Variants in ATP2B2 observed in about 807,000 individuals in gnomAD.
ATP2B2 encodes plasma membrane calcium-transporting ATPase 2.
In ATP2B2, 15 loss-of-function variants were observed where a neutral mutation model predicts 120.0. That is an observed-to-expected ratio of 0.12 (90% CI 0.08 to 0.19). The LOEUF is 0.19. Among genes scored for constraint, ATP2B2 ranks in the 10% least tolerant of loss-of-function variants. The pLI, the probability that ATP2B2 is intolerant of heterozygous loss-of-function variation, is 1.00. For synonymous variants in ATP2B2, 694 were observed against 700.3 expected, an observed-to-expected ratio of 0.99 and a Z score of 0.14; for missense variants, 1,045 against 1,719.8, an observed-to-expected ratio of 0.61 and a Z score of 6.94.
chr3:10,402,093 T>C lies in ATP2B2; in HGVS notation c.653A>G (p.Tyr218Cys). The change falls in exon 4 of 23, where the codon TAT (tyrosine) becomes TGT (cysteine). Residue 218 changes from tyrosine to cysteine, a missense_variant and splice_region_variant. Tyr to Cys is a radical substitution (Grantham distance 194). Coordinates refer to ENST00000360273, the MANE Select transcript of ATP2B2 (RefSeq NM_001001331.4). The surrounding 1 kb of genome is among the most constrained non-coding windows in gnomAD (Gnocchi z 4.9). ...GGCTCTGTGGCTGGGACACTTACCA[T>C]ATTTGACCTGGGCTATGTCCCCAAC... ...IVVGDIAQVK[Y>C]GDLLPADGLF... 6.2e-7 allele frequency: 1 copy of C among 1,613,780 alleles called. No homozygotes were observed. Among genetic ancestry groups the C allele is most frequent in the Non-Finnish European group, 8.5e-7 (1 of 1,180,026 alleles).
At chr3:10,387,349 C>A (rs932512686) in intron 6 of ATP2B2, among the ~76,000 whole-genome samples, 1 of 152,206 alleles carries the variant, frequency 6.6e-6, no homozygotes, top group Non-Finnish European at 1.5e-5. Context: ...AAGCTCTGTG[C>A]CTGATTAGCC....
intron 8 of ATP2B2, 62 bp downstream of exon 8, chr3:10,385,206 T>C (rs2061639396): frequency 6.6e-7 from 1 of 1,523,742 alleles, no homozygotes; most frequent in East Asian, 2.3e-5. Context: ...AAGCCCAAAG[T>C]TGGGGTGGGG....
intron 1 of ATP2B2, among the ~76,000 whole-genome samples, chr3:10,474,747 G>A (rs2065142059): frequency 6.6e-6 from 1 of 152,244 alleles, no homozygotes; most frequent in Non-Finnish European, 1.5e-5. Context: ...CAGTTCCCCT[G>A]CCATAAATGC....
At position 10,397,805 on chromosome 3, in the gene ATP2B2, C is replaced by T. The variant is rs936929654; in HGVS notation, c.781+3148G>A. Reference sequence around the variant, plus strand: ...AACATCCCCACCTGCAGCCTGTCTACATCCTGCTCATAGACAGTCGGTGAC... The same window carrying T: ...AACATCCCCACCTGCAGCCTGTCTATATCCTGCTCATAGACAGTCGGTGAC... On this transcript the variant is annotated intron_variant, in intron 5 of 22. Coordinates refer to ENST00000360273, the MANE Select transcript of ATP2B2 (RefSeq NM_001001331.4). 9.9e-5 allele frequency among the ~76,000 whole-genome samples: 15 copies of T among 152,214 alleles called. 1 individual carries two copies. Among genetic ancestry groups the T allele is most frequent in the Non-Finnish European group, 1.8e-4 (12 of 68,034 alleles).
intron 1 of ATP2B2, among the ~76,000 whole-genome samples, chr3:10,451,664 G>C (rs932856051): frequency 1.3e-5 from 2 of 152,136 alleles, no homozygotes; most frequent in Non-Finnish European, 2.9e-5. Flanking sequence ...ACATAAAATG[G>C]ATGTGATACC....
At chr3:10,521,591 A>G (rs746128538) in intron 3 of ATP2B2, among the ~76,000 whole-genome samples, 1 of 152,244 alleles carries the variant, frequency 6.6e-6, no homozygotes, top group Non-Finnish European at 1.5e-5. Flanking sequence ...AGAAGCAGCG[A>G]GAGTGTGGAA....
chr3:10,557,242 C>T (rs1247165680), intron 2 of ATP2B2, among the ~76,000 whole-genome samples: 1 of 152,224 alleles, frequency 6.6e-6, no homozygotes, highest in Non-Finnish European at 1.5e-5. Flanking sequence ...AAATGTCACC[C>T]ACTGAGGAGA....
chr3:10,386,615 G>GT, intron 6 of ATP2B2, 103 bp from the exon 7 acceptor site: 11 of 1,277,454 alleles, frequency 8.6e-6, no homozygotes, highest in African/African-American at 1.5e-5. Flanking sequence ...ATACACACAT[G>GT]GCCATACACC....
chr3:10,533,883 A>G (rs919656059), intron 3 of ATP2B2, among the ~76,000 whole-genome samples: 1 of 152,248 alleles, frequency 6.6e-6, no homozygotes, highest in South Asian at 2.1e-4. Flanking sequence ...CCAATGTTGC[A>G]TAAATAATAC....
At chr3:10,560,164 G>A (rs1276656745) in intron 2 of ATP2B2, among the ~76,000 whole-genome samples, 8 of 152,202 alleles carry the variant, frequency 5.3e-5, no homozygotes, top group Non-Finnish European at 8.8e-5. Context: ...CAGTCGCTGG[G>A]CTTCTGAACA....
At chr3:10,417,333 C>A (rs905160981) in intron 2 of ATP2B2, among the ~76,000 whole-genome samples, 1 of 151,284 alleles carries the variant, frequency 6.6e-6, no homozygotes, top group Non-Finnish European at 1.5e-5. Context: ...CAGAGGGGCT[C>A]CTCATATCCC....
At position 10,360,025 on chromosome 3, in the gene ATP2B2, G is replaced by C. The variant is rs750508666; in HGVS notation, c.1758C>G (p.Pro586=). 4.3e-6 allele frequency: 7 copies of C among 1,614,008 alleles called. No homozygotes were observed. The highest frequency in any genetic ancestry group is 1.3e-5 in the African/African-American group (1 of 74,932). ...TCTCCTCTGGCATCTGGCTGCGCAC[G>C]GGCTCGTAGTCCTGCTTCAGGTCCA... ...FVLDLKQDYE[P]VRSQMPEEKL... Residue 586 remains proline, a synonymous_variant, in exon 13 of 23, where the codon CCC becomes CCG. Transcript: ENST00000360273.
chr3:10,560,432 G>T (rs1461896273), intron 2 of ATP2B2, among the ~76,000 whole-genome samples: 1 of 133,036 alleles, frequency 7.5e-6, no homozygotes, highest in East Asian at 2.1e-4. Flanking sequence ...CATCCCCTCA[G>T]CTGGGCCGTC....
intron 2 of ATP2B2, among the ~76,000 whole-genome samples, chr3:10,545,257 C>G (rs1337565508): frequency 6.6e-6 from 1 of 152,168 alleles, no homozygotes; most frequent in South Asian, 2.1e-4. Context: ...AGGCCGGGTG[C>G]AGTGGCTCAT....
chr3:10,527,862 C>A (rs912120566), intron 3 of ATP2B2, among the ~76,000 whole-genome samples: 1 of 152,096 alleles, frequency 6.6e-6, no homozygotes, highest in African/African-American at 2.4e-5. Flanking sequence ...AAGTCTGCAG[C>A]GTATGGCCAC....
Position 10,402,840 on chromosome 3 carries a change from G to A in ATP2B2, c.398-492C>T, listed in dbSNP as rs777439175. Among the ~76,000 whole-genome samples, 7 of 151,482 alleles carry A rather than the reference G, an allele frequency of 4.6e-5. No homozygotes were observed. The highest frequency in any genetic ancestry group is 7.3e-5 in the Non-Finnish European group (5 of 68,038). On this transcript the variant is annotated intron_variant, in intron 3 of 22. Transcript: ENST00000360273. The surrounding 1 kb of genome is among the most constrained non-coding windows in gnomAD (Gnocchi z 4.9). Reference sequence around the variant, plus strand: ...TCACAGACTCTACAGCACAGACAAGGCACAGAGGAGAGAAAAGAGAATTTT... The same window carrying A: ...TCACAGACTCTACAGCACAGACAAGACACAGAGGAGAGAAAAGAGAATTTT...
At chr3:10,469,384 G>A (rs1384811024) in intron 1 of ATP2B2, among the ~76,000 whole-genome samples, 3 of 152,228 alleles carry the variant, frequency 2.0e-5, no homozygotes, top group African/African-American at 4.8e-5. Context: ...AGAACACAGC[G>A]GAGCTGGGAT....
intron 18 of ATP2B2, among the ~76,000 whole-genome samples, chr3:10,344,488 C>A (rs1012669093): frequency 1.3e-5 from 2 of 152,234 alleles, no homozygotes. Context: ...AGTGTTCCAG[C>A]GCCACACAGC....
At chr3:10,606,926 GA>G (rs1559483155) in intron 2 of ATP2B2, among the ~76,000 whole-genome samples, 40 of 73,946 alleles carry the variant, frequency 5.4e-4, no homozygotes, top group Non-Finnish European at 7.4e-4. Flanking sequence ...GAGAGAGAGA[GA>G]GAGAGAGAGA....
Sources: allele counts gnomAD v4.1 joint callset (sites outside exome capture counted in the v4.1 genomes callset), GRCh38; gene constraint gnomAD v4.1.1; non-coding constraint Gnocchi (gnomAD v3.1); transcripts MANE v1.5; gene names NCBI Gene and HGNC (gene_info 2026-07-23, HGNC 2026-07-21).